Variants in PDIA6 observed in about 807,000 individuals in gnomAD.
The protein encoded by PDIA6 is protein disulfide-isomerase A6.
Under a neutral mutation model 58.4 loss-of-function variants are expected in PDIA6, and 29 were observed. The ratio of observed to expected loss-of-function variants is 0.50; its 90% CI spans 0.37 to 0.68. The LOEUF (loss-of-function observed/expected upper bound fraction) is 0.68. Among genes scored for constraint, PDIA6 ranks in the 30% least tolerant of loss-of-function variants. PDIA6 has a pLI of 0.00. For synonymous variants in PDIA6, 192 were observed against 202.6 expected, an observed-to-expected ratio of 0.95 and a Z score of 0.44; for missense variants, 480 against 551.0, an observed-to-expected ratio of 0.87 and a Z score of 1.29.
chr2:10,833,547 G>A (rs1156513704), upstream of PDIA6, among the ~76,000 whole-genome samples: 1 of 152,188 alleles, frequency 6.6e-6, no homozygotes, highest in Non-Finnish European at 1.5e-5. Context: ...CTTCTGCCAG[G>A]TAGAGGCGGC....
In PDIA6 at chr2:10,785,006, G is replaced by A. The variant is rs781390176; in HGVS notation, c.1182C>T (p.Ser394=). ...AAGCCCCGCCTCCTACAGGTGCCGT[G>A]GAGCCACGCCCAAAAGAGAGCTCCC... ...FLRELSFGRG[S]TAPVGGGAFP... is the part of the protein sequence containing the mutation. The change falls in exon 12 of 13, where the codon TCC becomes TCT. Residue 394 remains serine, a synonymous_variant. Coordinates refer to ENST00000272227, the MANE Select transcript of PDIA6 (RefSeq NM_005742.4). 1.0e-5 allele frequency: 16 copies of A among 1,582,902 alleles called. No individual in the cohort carries two copies. The South Asian group carries it at 1.8e-4, about 18-fold the overall frequency.
In PDIA6 at chr2:10,790,703, T is replaced by TTATAAG; in HGVS notation, c.699+10_699+15dup. On this transcript the variant is annotated intron_variant, in intron 7 of 12. Transcript: ENST00000272227. Reference sequence around the variant, plus strand: ...CATGTATTTCACAATGAAATGAGCCTTATAAGTATACTCACCCCGTATCGG... The same window carrying TTATAAG: ...CATGTATTTCACAATGAAATGAGCCTTATAAGTATAAGTATACTCACCCCGTATCGG... 1 of 1,555,304 alleles carries TTATAAG rather than the reference T, an allele frequency of 6.4e-7. No individual in the cohort carries two copies. Among genetic ancestry groups the TTATAAG allele is most frequent in the South Asian group, 1.1e-5 (1 of 89,884 alleles).
rs554798298 is a variant in PDIA6, at chr2:10,787,918, T to A, written c.999-479A>T. On this transcript the variant is annotated intron_variant, in intron 10 of 12. Coordinates refer to ENST00000272227, the MANE Select transcript of PDIA6 (RefSeq NM_005742.4). ...CCATCTCTACTAAAATCACAAAAAT[T>A]AGCCGGGCATGGTGGCGTGCGCCTG... 3.2e-4 allele frequency among the ~76,000 whole-genome samples: 49 copies of A among 152,132 alleles called. 1 individual carries two copies. The highest frequency in any genetic ancestry group is 1.1e-3 in the African/African-American group (47 of 41,504).
intron 2 of PDIA6, among the ~76,000 whole-genome samples, chr2:10,802,173 A>T (rs1227694594): frequency 1.3e-5 from 2 of 152,256 alleles, no homozygotes; most frequent in Non-Finnish European, 2.9e-5. Flanking sequence ...TTTTTAAATT[A>T]AACCAGATTT....
At chr2:10,810,165 A>T in intron 1 of PDIA6, 1 of 758,240 alleles carries the variant, frequency 1.3e-6, no homozygotes, top group Non-Finnish European at 2.3e-6. Flanking sequence ...TAAGTCATTT[A>T]AGAACCCTAT....
chr2:10,813,868 G>C (rs7570179), upstream of PDIA6, among the ~76,000 whole-genome samples: 7 of 149,714 alleles, frequency 4.7e-5, 1 homozygote, highest in East Asian at 1.4e-3. Flanking sequence ...GGGATGACAG[G>C]TGCATGTCAC....
At chr2:10,806,221 A>C (rs1479932876) in intron 1 of PDIA6, among the ~76,000 whole-genome samples, 4 of 151,358 alleles carry the variant, frequency 2.6e-5, no homozygotes, top group Admixed American at 6.6e-5. Context: ...TACAAAAATT[A>C]GCCAGGCATG....
At chr2:10,789,963 A>T (rs1572654089) in intron 7 of PDIA6, 74 bp from the exon 8 acceptor site, 6 of 1,381,628 alleles carry the variant, frequency 4.3e-6, no homozygotes, top group Non-Finnish European at 6.0e-6. Flanking sequence ...ACAGTTTCTA[A>T]AACCACCTTA....
intron 2 of PDIA6, among the ~76,000 whole-genome samples, chr2:10,799,433 T>A (rs1734354): frequency 4.6e-5 from 7 of 151,984 alleles, no homozygotes; most frequent in African/African-American, 1.7e-4. Flanking sequence ...GATGATGGAA[T>A]TGATGTTGAG....
intron 1 of PDIA6, among the ~76,000 whole-genome samples, chr2:10,822,145 T>A (rs1344456089): frequency 6.6e-6 from 1 of 151,258 alleles, no homozygotes; most frequent in Non-Finnish European, 1.5e-5. Flanking sequence ...CACCATGTTG[T>A]CCAGGCTTGT....
At position 10,797,105 on chromosome 2, in the gene PDIA6, T is replaced by C. The variant is rs1426884479; in HGVS notation, c.322A>G (p.Lys108Glu). ...FPTIKIFGSN[K>E]NRPEDYQGGR... ...CCTTGGTAATCTTCTGGTCTGTTTTTGTTGGATCCAAAAATCTTAATGGTA... is the reference window on the plus strand; with the variant it reads ...CCTTGGTAATCTTCTGGTCTGTTTTCGTTGGATCCAAAAATCTTAATGGTA... Residue 108 changes from lysine to glutamate, a missense_variant, in exon 4 of 13, where the codon AAA becomes GAA. Transcript: ENST00000272227. 6.2e-7 allele frequency: 1 copy of C among 1,613,728 alleles called. No homozygotes were observed. The highest frequency in any genetic ancestry group is 8.5e-7 in the Non-Finnish European group (1 of 1,179,692).
chr2:10,832,745 G>A (rs888643284), upstream of PDIA6, among the ~76,000 whole-genome samples: 1 of 152,200 alleles, frequency 6.6e-6, no homozygotes, highest in African/African-American at 2.4e-5. Flanking sequence ...CGGGTCCAGG[G>A]CAGAAGAGGG....
At chr2:10,788,027 C>T (rs1243738021) in intron 10 of PDIA6, among the ~76,000 whole-genome samples, 2 of 149,058 alleles carry the variant, frequency 1.3e-5, no homozygotes, top group East Asian at 4.0e-4. Context: ...GATTGTGCCA[C>T]TGCACTCCAC....
intron 1 of PDIA6, among the ~76,000 whole-genome samples, chr2:10,806,382 A>G (rs1017865020): frequency 1.1e-4 from 17 of 151,430 alleles, no homozygotes; most frequent in African/African-American, 2.7e-4. Context: ...AAAAAAAAAA[A>G]AGAGAGAAAA....
chr2:10,821,955 A>AT (rs1667407508), intron 1 of PDIA6, among the ~76,000 whole-genome samples: 4 of 139,190 alleles, frequency 2.9e-5, no homozygotes, highest in Admixed American at 2.1e-4. Context: ...TTAAAAAAAA[A>AT]ATTTTTTTGA....
intron 1 of PDIA6, among the ~76,000 whole-genome samples, chr2:10,807,185 C>T (rs1469925121): frequency 6.6e-6 from 1 of 152,156 alleles, no homozygotes; most frequent in Non-Finnish European, 1.5e-5. Context: ...TTGCATCATG[C>T]TGGCTTTTGG....
At position 10,787,462 on chromosome 2, in the gene PDIA6, A is replaced by T. The variant is rs536387263; in HGVS notation, c.999-23T>A. ...CACCTAGAAAACCAGACTGGTTTTT[A>T]GGGCAAATATGTCTTTTAAATTGCT... On this transcript the variant is annotated intron_variant, in intron 10 of 12. Transcript: ENST00000272227. The T allele has an allele frequency of 2.2e-5, 35 of 1,597,490 alleles. No individual in the cohort carries two copies. In the South Asian group the frequency reaches 3.1e-4, roughly 14 times the overall value.
At chr2:10,821,143 C>A in intron 1 of PDIA6, 1 of 327,108 alleles carries the variant, frequency 3.1e-6, no homozygotes, top group South Asian at 4.1e-5. Flanking sequence ...TCCTTTATGG[C>A]CCAGCTGAAA....
chr2:10,833,318 C>T (rs141504597), upstream of PDIA6, among the ~76,000 whole-genome samples: 39 of 152,324 alleles, frequency 2.6e-4, no homozygotes, highest in East Asian at 6.6e-3. Context: ...CTCCGGCTCC[C>T]GCAGTTGTTA....
Sources: allele counts gnomAD v4.1 joint callset (sites outside exome capture counted in the v4.1 genomes callset), GRCh38; gene constraint gnomAD v4.1.1; transcripts MANE v1.5; gene names NCBI Gene and HGNC (gene_info 2026-07-23, HGNC 2026-07-21).